OSBPL5: variants seen among roughly 807,000 people sequenced by gnomAD.
OSBPL5 encodes the protein oxysterol-binding protein-related protein 5.
OSBPL5 carries 71 observed loss-of-function variants against 111.2 expected under a neutral mutation model. The observed-to-expected ratio is 0.64, with a 90% CI of 0.53 to 0.78. The LOEUF is 0.78. Ranked by LOEUF, OSBPL5 falls within the 30% of genes least tolerant of loss-of-function variation. The pLI is 0.00. For missense variants in OSBPL5, 1,210 were observed against 1,189.3 expected, an observed-to-expected ratio of 1.02 and a Z score of -0.26; for synonymous variants, 549 against 513.9, an observed-to-expected ratio of 1.07 and a Z score of -0.93.
intron 14 of OSBPL5, chr11:3,094,657 G>GGT (rs1857194304): frequency 3.5e-6 from 1 of 287,126 alleles, no homozygotes; most frequent in African/African-American, 2.2e-5. Flanking sequence ...GCTCATGTCA[G>GGT]GTGTCGCCTC....
chr11:3,155,164 G>A (rs1377124181), intron 1 of OSBPL5, among the ~76,000 whole-genome samples: 3 of 152,210 alleles, frequency 2.0e-5, no homozygotes, highest in Admixed American at 1.3e-4. Context: ...GAGAATCAAC[G>A]TCTGGGCTGC....
intron 7 of OSBPL5, among the ~76,000 whole-genome samples, chr11:3,111,761 GACT>G (rs1479718252): frequency 6.6e-6 from 1 of 152,058 alleles, no homozygotes; most frequent in African/African-American, 2.4e-5. Flanking sequence ...TTTTGATTTT[GACT>G]ACTAAGGGGC....
At chr11:3,158,289 T>C (rs771541916) in intron 1 of OSBPL5, among the ~76,000 whole-genome samples, 1 of 152,212 alleles carries the variant, frequency 6.6e-6, no homozygotes, top group Non-Finnish European at 1.5e-5. Flanking sequence ...AAACCCAGCA[T>C]GGGCGCTGGA....
At chr11:3,122,305 T>A in intron 4 of OSBPL5, 43 bp downstream of exon 4, 1 of 1,591,428 alleles carries the variant, frequency 6.3e-7, no homozygotes, top group Non-Finnish European at 8.6e-7. Context: ...TGGCCGTCGG[T>A]CTGACAGTGA....
chr11:3,103,251 G>A lies in OSBPL5; in HGVS notation c.1314C>T (p.Tyr438=), dbSNP rs1449536605. The A allele has an allele frequency of 6.2e-7, 1 of 1,604,000 alleles. No homozygotes were observed. Among genetic ancestry groups the A allele is most frequent in the Non-Finnish European group, 8.5e-7 (1 of 1,175,136 alleles). Reference sequence around the variant, plus strand: ...GGCAGGGGCTCACCTTGGGCTTCTTGTAGAAGCCAGACAGGTACCACCGCA... The same window carrying A: ...GGCAGGGGCTCACCTTGGGCTTCTTATAGAAGCCAGACAGGTACCACCGCA... The part of the protein sequence containing the change: ...LVLRWYLSGF[Y]KKPKGIKKPY... Residue 438 remains tyrosine, a synonymous_variant, in exon 11 of 22, where the codon TAC becomes TAT. Transcript: ENST00000263650.
Position 3,109,858 on chromosome 11 carries a change from G to A in OSBPL5, c.692-1913C>T, listed in dbSNP as rs1013808147. On this transcript the variant is annotated intron_variant, in intron 7 of 21. Coordinates refer to ENST00000263650, the MANE Select transcript of OSBPL5 (RefSeq NM_020896.4). This position sits in a 1 kb window ranked among gnomAD's most constrained non-coding sequence, Gnocchi z 7.4. ...TTATGCATCCTTTGAAGCTCATTCC[G>A]AGACCTCTTCCTCCTCTTCCTGGAA... is the stretch of plus-strand genomic sequence containing the variant. 2.0e-5 allele frequency among the ~76,000 whole-genome samples: 3 copies of A among 152,142 alleles called. No homozygotes were observed. The highest frequency in any genetic ancestry group is 2.9e-5 in the Non-Finnish European group (2 of 68,028).
Position 3,094,469 on chromosome 11 carries a change from TC to T in OSBPL5, c.1622-136del, listed in dbSNP as rs1857182500. 3 of 650,018 alleles carry T rather than the reference TC, an allele frequency of 4.6e-6. No homozygotes were observed. In the East Asian group the frequency reaches 8.2e-5, roughly 18 times the overall value. The allele number at this position is 650,018 out of a possible 1,614,324, so 40.3% of individuals were successfully genotyped here. On this transcript the variant is annotated intron_variant, in intron 14 of 21. Coordinates refer to ENST00000263650, the MANE Select transcript of OSBPL5 (RefSeq NM_020896.4). ...CCGATCCCTGGGAGGCCTGTGTCAG[TC>T]CCTGGGAGGGTGAGAAGGACAGGAG...
intron 1 of OSBPL5, among the ~76,000 whole-genome samples, chr11:3,152,594 G>A (rs937998503): frequency 2.6e-5 from 4 of 152,314 alleles, no homozygotes; most frequent in East Asian, 3.9e-4. Flanking sequence ...TATCGGGAGC[G>A]GCCTGCGAGG....
chr11:3,103,336 A>G lies in OSBPL5; in HGVS notation c.1245-16T>C. 1 of 1,594,668 alleles carries G rather than the reference A, an allele frequency of 6.3e-7. No individual in the cohort carries two copies. The highest frequency in any genetic ancestry group is 8.6e-7 in the Non-Finnish European group (1 of 1,169,532). On this transcript the variant is annotated splice_polypyrimidine_tract_variant and intron_variant, in intron 10 of 21. Transcript: ENST00000263650. ...CACCGCAGCCCTGCCATGGGGCAGG[A>G]GAACGCTGACCCCAGCTCCGGGGGC...
chr11:3,126,474 G>A lies in OSBPL5; in HGVS notation c.218C>T (p.Pro73Leu), dbSNP rs752828587. ...PTPSSATKVP[P>L]AEYRLCNGSD... Reference sequence around the variant, plus strand: ...ATCCTCCTATACCCAGGCTCTTACCGGTGGCACCTTCGTGGCAGAGCTTGG... The same window carrying A: ...ATCCTCCTATACCCAGGCTCTTACCAGTGGCACCTTCGTGGCAGAGCTTGG... Residue 73 changes from proline to leucine, a missense_variant and splice_region_variant, in exon 3 of 22, where the codon CCG becomes CTG. Physicochemically the swap from Pro to Leu is moderately conservative, Grantham distance 98. Coordinates refer to ENST00000263650, the MANE Select transcript of OSBPL5 (RefSeq NM_020896.4). This position sits in a 1 kb window ranked among gnomAD's most constrained non-coding sequence, Gnocchi z 6.5. The A allele has an allele frequency of 4.2e-5, 67 of 1,608,092 alleles. No individual in the cohort carries two copies. The Middle Eastern group carries it at 6.6e-4, about 16-fold the overall frequency.
intron 14 of OSBPL5, among the ~76,000 whole-genome samples, chr11:3,098,808 ATTTTT>A (rs112915657): frequency 7.1e-6 from 1 of 139,896 alleles, no homozygotes; most frequent in African/African-American, 2.7e-5. Context: ...CCCAGCAAAG[ATTTTT>A]TTTTTTTTTT....
Position 3,107,503 on chromosome 11 carries a change from A to C in OSBPL5, c.867-48T>G. The C allele has an allele frequency of 6.3e-7, 1 of 1,599,966 alleles. No individual in the cohort carries two copies. The highest frequency in any genetic ancestry group is 8.6e-7 in the Non-Finnish European group (1 of 1,169,442). On this transcript the variant is annotated intron_variant, in intron 8 of 21. Coordinates refer to ENST00000263650, the MANE Select transcript of OSBPL5 (RefSeq NM_020896.4). This position sits in a 1 kb window ranked among gnomAD's most constrained non-coding sequence, Gnocchi z 6.1. ...GGGTCCCTGTCACAGGTGAGAGCCC[A>C]GCACAGCCCTCTGGGCTGCCCACCC...
In OSBPL5 at chr11:3,105,278, G is replaced by A. The variant is rs1857654424; in HGVS notation, c.1060-901C>T. 6.6e-6 allele frequency among the ~76,000 whole-genome samples: 1 copy of A among 152,178 alleles called. No homozygotes were observed. Among genetic ancestry groups the A allele is most frequent in the African/African-American group, 2.4e-5 (1 of 41,438 alleles). On this transcript the variant is annotated intron_variant, in intron 9 of 21. Transcript: ENST00000263650. This position sits in a 1 kb window ranked among gnomAD's most constrained non-coding sequence, Gnocchi z 5.2. ...GGGCAAGATGGAGTGTGGCCTGTGA[G>A]TCCTGCATCAGGATCTCATCCCCGC...
In OSBPL5 at chr11:3,140,641, C is replaced by T. The variant is rs567859273; in HGVS notation, c.-21-11472G>A. On this transcript the variant is annotated intron_variant, in intron 1 of 21. Coordinates refer to ENST00000263650, the MANE Select transcript of OSBPL5 (RefSeq NM_020896.4). The surrounding 1 kb of genome is among the most constrained non-coding windows in gnomAD (Gnocchi z 4.5). ...CACCAGTGGACAGGCATCGTCGTCC[C>T]GGCTCCCCTCTGTCCCCCAGCTCAC... Among the ~76,000 whole-genome samples the T allele has an allele frequency of 5.9e-5, 9 of 152,260 alleles. No individual in the cohort carries two copies. The South Asian group carries it at 1.2e-3, about 21-fold the overall frequency.
At chr11:3,150,468 G>A (rs887892770) in intron 1 of OSBPL5, among the ~76,000 whole-genome samples, 5 of 152,050 alleles carry the variant, frequency 3.3e-5, no homozygotes, top group African/African-American at 1.2e-4. Context: ...AGGTGGGCAC[G>A]TCCCACCCGT....
rs202150870 is a variant in OSBPL5 at position 3,107,863 on chromosome 11, G to A, written c.774C>T (p.Asp258=). 53 of 1,609,076 alleles carry A rather than the reference G, an allele frequency of 3.3e-5. No homozygotes were observed. The highest frequency in any genetic ancestry group is 5.0e-5 in the Admixed American group (3 of 59,978). Residue 258 remains aspartate (D), a synonymous_variant, in exon 8 of 22, where the codon GAC becomes GAT. Transcript: ENST00000263650. This position sits in a 1 kb window ranked among gnomAD's most constrained non-coding sequence, Gnocchi z 6.1. ...CGTCTGGCGAGGTCCCTGGCTCCCCGTCTCGGCCCGGCTTGCAGGTGCCCA... is the reference window on the plus strand; with the variant it reads ...CGTCTGGCGAGGTCCCTGGCTCCCCATCTCGGCCCGGCTTGCAGGTGCCCA... ...LRLGTCKPGR[D]GEPGTSPDAS...
rs565848604 is a variant in OSBPL5 at position 3,101,670 on chromosome 11, G to A, written c.1455C>T (p.Phe485=). The part of the protein sequence containing the change: ...QVSHHPPVSA[F]HVSNRKDGFC... ...AGCCGTCCTTCCGGTTGCTGACGTG[G>A]AAGGCAGACACGGGCGGGTGGTGGG... The change falls in exon 13 of 22, where the codon TTC becomes TTT. Residue 485 remains phenylalanine, a synonymous_variant. Coordinates refer to ENST00000263650, the MANE Select transcript of OSBPL5 (RefSeq NM_020896.4). The A allele has an allele frequency of 1.2e-6, 2 of 1,613,956 alleles. No individual in the cohort carries two copies. Among genetic ancestry groups the A allele is most frequent in the Non-Finnish European group, 1.7e-6 (2 of 1,179,998 alleles).
chr11:3,093,890 A>T, intron 15 of OSBPL5, 55 bp from the exon 16 acceptor site: 1 of 1,557,282 alleles, frequency 6.4e-7, no homozygotes, highest in Non-Finnish European at 8.7e-7. Context: ...GGCCTCCAGA[A>T]TCACATCCTC....
rs368447689 is a variant in OSBPL5, at chr11:3,101,716, G to A, written c.1426-17C>T. 5.0e-5 allele frequency: 81 copies of A among 1,606,474 alleles called. No individual in the cohort carries two copies. The highest frequency in any genetic ancestry group is 6.7e-5 in the Non-Finnish European group (79 of 1,174,460). On this transcript the variant is annotated splice_polypyrimidine_tract_variant and intron_variant, in intron 12 of 21. Transcript: ENST00000263650. Reference sequence around the variant, plus strand: ...GTGGGACACCTGCGTGCAGGGAGGCGGCTCTGTAAACAGCCCCGGAAACAG... The same window carrying A: ...GTGGGACACCTGCGTGCAGGGAGGCAGCTCTGTAAACAGCCCCGGAAACAG...
Sources: allele counts gnomAD v4.1 joint callset (sites outside exome capture counted in the v4.1 genomes callset), GRCh38; gene constraint gnomAD v4.1.1; non-coding constraint Gnocchi (gnomAD v3.1); transcripts MANE v1.5; gene names NCBI Gene and HGNC (gene_info 2026-07-23, HGNC 2026-07-21).